The following MYO3B variants were observed in gnomAD, a reference collection of about 807,000 sequenced individuals.
MYO3B encodes myosin IIIB, also known as myosin-IIIb.
MYO3B carries 156 observed loss-of-function variants against 174.6 expected under a neutral mutation model. The ratio of observed to expected loss-of-function variants is 0.89; its 90% CI spans 0.78 to 1.02. The LOEUF (loss-of-function observed/expected upper bound fraction) is 1.02. MYO3B is among the 50% of genes least tolerant of loss of function. The pLI, the probability that MYO3B is intolerant of heterozygous loss-of-function variation, is 0.00. For missense variants in MYO3B, 1,632 were observed against 1,639.4 expected (o/e 1.00, Z 0.08); for synonymous variants, 563 against 569.1 (o/e 0.99, Z 0.15).
chr2:170,331,352 A>G (rs909456704), intron 7 of MYO3B, among the ~76,000 whole-genome samples: 7 of 152,212 alleles, frequency 4.6e-5, no homozygotes, highest in Non-Finnish European at 7.3e-5. Context: ...GCTACCAAGT[A>G]CAAGAGGGAT....
At chr2:170,258,208 C>T (rs2093319383) in intron 7 of MYO3B, among the ~76,000 whole-genome samples, 1 of 152,030 alleles carries the variant, frequency 6.6e-6, no homozygotes. Context: ...AGACTCCTCC[C>T]TAACTTATTC....
chr2:170,179,557 G>T (rs1356782260), intron 1 of MYO3B, among the ~76,000 whole-genome samples: 1 of 152,118 alleles, frequency 6.6e-6, no homozygotes, highest in Non-Finnish European at 1.5e-5. Flanking sequence ...AAAAGGATAG[G>T]TTCAGTCTCC....
chr2:170,214,795 A>G lies in MYO3B; in HGVS notation c.493A>G (p.Thr165Ala). Residue 165 changes from threonine to alanine, a missense_variant, in exon 5 of 35, where the codon ACA becomes GCA. Thr to Ala is a moderately conservative substitution (Grantham distance 58). Transcript: ENST00000408978. The part of the protein sequence containing the change: ...RDVKGNNILL[T>A]TEGGVKLVDF... ...TGTGAAGGGGAATAACATTCTTCTG[A>G]CAACAGAAGGAGGAGTTAAGCTCGT... is the stretch of plus-strand genomic sequence containing the variant. 1 of 1,614,006 alleles carries G rather than the reference A, an allele frequency of 6.2e-7. No individual in the cohort carries two copies. The highest frequency in any genetic ancestry group is 8.5e-7 in the Non-Finnish European group (1 of 1,179,872).
At chr2:170,499,207 C>T (rs6736202) in intron 26 of MYO3B, among the ~76,000 whole-genome samples, 140,352 of 152,258 alleles carry the variant, frequency 0.92, 65,689 homozygotes, top group Non-Finnish European at 1. Context: ...GCCTGAGTGA[C>T]GATGGCAACA....
intron 30 of MYO3B, among the ~76,000 whole-genome samples, chr2:170,537,204 AAAAAAAAAAAAC>A (rs1689756538): frequency 1.1e-5 from 1 of 88,892 alleles, no homozygotes; most frequent in South Asian, 4.5e-4. Flanking sequence ...CTGTCTCAAA[AAAAAAAAAAAAC>A]AAAAAACAAA....
chr2:170,245,741 C>G (rs2105319467), intron 7 of MYO3B, among the ~76,000 whole-genome samples: 2 of 152,300 alleles, frequency 1.3e-5, no homozygotes, highest in African/African-American at 4.8e-5. Flanking sequence ...ATGAGAATAG[C>G]TACTAACTGC....
chr2:170,376,344 T>G (rs963293711), intron 9 of MYO3B, among the ~76,000 whole-genome samples: 2 of 152,220 alleles, frequency 1.3e-5, no homozygotes, highest in East Asian at 3.8e-4. Context: ...TAAAAGTCCC[T>G]CTTTCATTGG....
intron 32 of MYO3B, among the ~76,000 whole-genome samples, chr2:170,598,407 T>G (rs1355521069): frequency 6.6e-6 from 1 of 152,172 alleles, no homozygotes; most frequent in East Asian, 1.9e-4. Context: ...CAGAGTGCAG[T>G]TTGGTCACTG....
intron 8 of MYO3B, chr2:170,345,251 G>A (rs1197166534): frequency 6.6e-6 from 1 of 152,134 alleles, no homozygotes; most frequent in Non-Finnish European, 1.5e-5. Flanking sequence ...TAGCCCTTTG[G>A]CACTAATGAA....
intron 32 of MYO3B, among the ~76,000 whole-genome samples, chr2:170,575,126 C>T (rs1300040068): frequency 6.6e-6 from 1 of 152,024 alleles, no homozygotes; most frequent in East Asian, 1.9e-4. Flanking sequence ...AACCAAGTGT[C>T]CAACAAAAGA....
intron 7 of MYO3B, among the ~76,000 whole-genome samples, chr2:170,292,288 T>C (rs1408326627): frequency 6.6e-6 from 1 of 152,222 alleles, no homozygotes; most frequent in Non-Finnish European, 1.5e-5. Context: ...TATTTTAATA[T>C]CTTTGTTAAA....
intron 1 of MYO3B, among the ~76,000 whole-genome samples, chr2:170,182,825 G>T (rs1312893260): frequency 6.6e-6 from 1 of 151,812 alleles, no homozygotes; most frequent in Non-Finnish European, 1.5e-5. Flanking sequence ...TGGCCTGGCT[G>T]GTCAAACTCC....
intron 22 of MYO3B, among the ~76,000 whole-genome samples, chr2:170,434,100 A>G (rs976635028): frequency 7.9e-5 from 12 of 152,214 alleles, no homozygotes; most frequent in African/African-American, 1.9e-4. Context: ...AGTTACTTCA[A>G]TTTATCGAAT....
At chr2:170,409,282 C>G (rs1340543248) in intron 22 of MYO3B, among the ~76,000 whole-genome samples, 1 of 152,192 alleles carries the variant, frequency 6.6e-6, no homozygotes, top group East Asian at 1.9e-4. Flanking sequence ...TCTGTTCTCC[C>G]TTGATTCACC....
chr2:170,260,130 T>C (rs1368195175), intron 7 of MYO3B, among the ~76,000 whole-genome samples: 1 of 152,182 alleles, frequency 6.6e-6, no homozygotes, highest in Non-Finnish European at 1.5e-5. Context: ...GAATGTAAAT[T>C]AGTTAAGCAG....
At chr2:170,606,408 ATTC>A (rs1694813030) in intron 32 of MYO3B, among the ~76,000 whole-genome samples, 1 of 152,180 alleles carries the variant, frequency 6.6e-6, no homozygotes, top group Non-Finnish European at 1.5e-5. Flanking sequence ...CACTTTTCTC[ATTC>A]TTCAGGCCTC....
intron 6 of MYO3B, among the ~76,000 whole-genome samples, chr2:170,231,836 T>A (rs2093019075): frequency 6.6e-6 from 1 of 152,250 alleles, no homozygotes; most frequent in Admixed American, 6.5e-5. Context: ...CAAAGATCAC[T>A]TACTTGGAAG....
At chr2:170,564,380 G>A (rs1691929171) in intron 32 of MYO3B, among the ~76,000 whole-genome samples, 1 of 152,182 alleles carries the variant, frequency 6.6e-6, no homozygotes, top group Non-Finnish European at 1.5e-5. Context: ...GGCTGAGGCA[G>A]GAGAAGCACT....
Position 170,222,635 on chromosome 2 carries a change from C to T in MYO3B, c.603+5240C>T, listed in dbSNP as rs554141367. ...TGACTTCTTATAAGAACACCAGTCC[C>T]GTCGGATTAGAGGCCCACCCTACTC... On this transcript the variant is annotated intron_variant, in intron 6 of 34. Transcript: ENST00000408978. Among the ~76,000 whole-genome samples, 4 of 152,278 alleles carry T rather than the reference C, an allele frequency of 2.6e-5. No homozygotes were observed. In the East Asian group the frequency reaches 5.8e-4, roughly 22 times the overall value.
Sources: gnomAD v4.1 joint callset for allele counts (sites outside exome capture counted in the v4.1 genomes callset) on GRCh38, gnomAD v4.1.1 for gene constraint, MANE v1.5 for transcripts, NCBI Gene and HGNC (gene_info 2026-07-23, HGNC 2026-07-21) for gene names.